SAMD5: variants seen among roughly 807,000 people sequenced by gnomAD.
SAMD5 encodes sterile alpha motif domain-containing protein 5.
In SAMD5, 13 loss-of-function variants were observed where a neutral mutation model predicts 11.3. The ratio of observed to expected loss-of-function variants is 1.15; its 90% CI spans 0.75 to 1.83. The LOEUF (loss-of-function observed/expected upper bound fraction) is 1.83, where lower values mean the gene tolerates loss of function less well. SAMD5 is among the 40% of genes most tolerant of loss of function. SAMD5 has a pLI of 0.00. For synonymous variants in SAMD5, 129 were observed against 111.3 expected, an observed-to-expected ratio of 1.16 and a Z score of -1.00; for missense variants, 255 against 239.1, an observed-to-expected ratio of 1.07 and a Z score of -0.44.
chr6:147,730,348 TG>T, intron 1 of SAMD5: 1 of 228,850 alleles, frequency 4.4e-6, no homozygotes, highest in Non-Finnish European at 9.0e-6. Flanking sequence ...GAGAACAGTA[TG>T]GGGGTGCCTA....
At chr6:147,950,760 C>T in the SAMD5 span, among the ~76,000 whole-genome samples, 1,634 of 152,180 alleles carry the variant, frequency 0.011, 26 homozygotes, top group African/African-American at 0.038. Flanking sequence ...ACAGTCTGTT[C>T]CCGAAAACCC....
At chr6:147,844,071 G>A in the SAMD5 span, among the ~76,000 whole-genome samples, 9 of 152,104 alleles carry the variant, frequency 5.9e-5, no homozygotes, top group Non-Finnish European at 1.3e-4. Flanking sequence ...CAGATTGGGA[G>A]AAAATATTTG....
chr6:147,852,497 T>G, the SAMD5 span, among the ~76,000 whole-genome samples: 1 of 152,322 alleles, frequency 6.6e-6, no homozygotes, highest in South Asian at 2.1e-4. Flanking sequence ...CCCATATTTC[T>G]AATAATAAAA....
chr6:147,926,628 TG>T, the SAMD5 span, among the ~76,000 whole-genome samples: 1 of 152,186 alleles, frequency 6.6e-6, no homozygotes, highest in African/African-American at 2.4e-5. Context: ...TTGGATTGTC[TG>T]TTTATTCTGT....
chr6:147,521,665 G>A (rs1788257045), intron 1 of SAMD5, among the ~76,000 whole-genome samples: 1 of 151,918 alleles, frequency 6.6e-6, no homozygotes, highest in Non-Finnish European at 1.5e-5. Context: ...GTATGTAAAG[G>A]GCCTCATATA....
At chr6:147,529,535 A>G (rs1292769623) in intron 1 of SAMD5, among the ~76,000 whole-genome samples, 5 of 152,184 alleles carry the variant, frequency 3.3e-5, no homozygotes, top group Non-Finnish European at 7.4e-5. Context: ...GCTAAGATAT[A>G]TAGTATGATT....
chr6:147,677,311 T>C (rs1173979649), intron 1 of SAMD5, among the ~76,000 whole-genome samples: 1 of 152,092 alleles, frequency 6.6e-6, no homozygotes. Context: ...ACTCTGAAGT[T>C]CCTGAATGAG....
At chr6:147,785,511 A>G in the SAMD5 span, among the ~76,000 whole-genome samples, 23 of 152,276 alleles carry the variant, frequency 1.5e-4, no homozygotes, top group Non-Finnish European at 2.8e-4. Context: ...CAAATCGCCA[A>G]TCAGCCCTGG....
At chr6:147,877,766 C>T in the SAMD5 span, among the ~76,000 whole-genome samples, 2 of 151,480 alleles carry the variant, frequency 1.3e-5, no homozygotes, top group African/African-American at 2.4e-5. Context: ...CCAGCCTGCC[C>T]TGCAGATTTT....
intron 1 of SAMD5, among the ~76,000 whole-genome samples, chr6:147,612,910 A>G (rs1789806991): frequency 6.6e-6 from 1 of 152,102 alleles, no homozygotes. Flanking sequence ...CTTTTATGGA[A>G]AAATTTGGTT....
At chr6:147,871,322 A>G in the SAMD5 span, among the ~76,000 whole-genome samples, 20 of 152,184 alleles carry the variant, frequency 1.3e-4, no homozygotes, top group Non-Finnish European at 2.8e-4. Flanking sequence ...CTAATATCAA[A>G]AGAGATACAT....
intron 1 of SAMD5, among the ~76,000 whole-genome samples, chr6:147,552,931 T>A (rs1788797411): frequency 6.6e-6 from 1 of 152,232 alleles, no homozygotes; most frequent in African/African-American, 2.4e-5. Flanking sequence ...GATGACTAAC[T>A]TAATAATGGT....
chr6:147,793,776 T>C, the SAMD5 span, among the ~76,000 whole-genome samples: 2 of 152,202 alleles, frequency 1.3e-5, no homozygotes, highest in Admixed American at 1.3e-4. Flanking sequence ...AGTTCTGTTC[T>C]ATCATTTACT....
At chr6:147,835,993 C>T in the SAMD5 span, among the ~76,000 whole-genome samples, 1 of 152,198 alleles carries the variant, frequency 6.6e-6, no homozygotes, top group Non-Finnish European at 1.5e-5. Context: ...AGGCATTTCA[C>T]CTCTTGATTA....
At chr6:147,597,974 C>T (rs942346543) in intron 1 of SAMD5, among the ~76,000 whole-genome samples, 21 of 152,180 alleles carry the variant, frequency 1.4e-4, no homozygotes, top group African/African-American at 2.2e-4. Context: ...TCGGATGGCT[C>T]CCTCCTTCCT....
chr6:147,630,878 A>T (rs6941650), intron 1 of SAMD5, among the ~76,000 whole-genome samples: 30 of 151,810 alleles, frequency 2.0e-4, no homozygotes, highest in African/African-American at 7.2e-4. Context: ...CCAAAACTCC[A>T]GCGCCAGTGA....
At chr6:147,826,390 T>G in the SAMD5 span, among the ~76,000 whole-genome samples, 1 of 152,184 alleles carries the variant, frequency 6.6e-6, no homozygotes, top group Non-Finnish European at 1.5e-5. Context: ...TTTGTGATAA[T>G]GCAAAACTGA....
At chr6:147,816,366 TTA>T in the SAMD5 span, among the ~76,000 whole-genome samples, 40 of 139,052 alleles carry the variant, frequency 2.9e-4, no homozygotes, top group East Asian at 1.4e-3. Flanking sequence ...TATATGCAGT[TTA>T]TATATATATA....
intron 1 of SAMD5, among the ~76,000 whole-genome samples, chr6:147,582,831 A>T (rs1362526660): frequency 6.6e-6 from 1 of 152,204 alleles, no homozygotes; most frequent in Non-Finnish European, 1.5e-5. Context: ...TTGGGTCAGC[A>T]CTGTGTTCAT....
Sources: gnomAD v4.1 joint callset for allele counts (sites outside exome capture counted in the v4.1 genomes callset) on GRCh38, gnomAD v4.1.1 for gene constraint, MANE v1.5 for transcripts, NCBI Gene and HGNC (gene_info 2026-07-23, HGNC 2026-07-21) for gene names.